Variants in ABCA5 observed in about 807,000 individuals in gnomAD.
ABCA5 encodes ATP binding cassette subfamily A member 5.
ABCA5 carries 163 observed loss-of-function variants against 206.0 expected under a neutral mutation model. The ratio of observed to expected loss-of-function variants is 0.79; its 90% CI spans 0.70 to 0.90. The LOEUF is 0.90. ABCA5 is among the 40% of genes least tolerant of loss of function. The pLI, the probability that ABCA5 is intolerant of heterozygous loss-of-function variation, is 0.00. For synonymous variants in ABCA5, 609 were observed against 613.8 expected, an observed-to-expected ratio of 0.99 and a Z score of 0.11; for missense variants, 1,859 against 1,912.9, an observed-to-expected ratio of 0.97 and a Z score of 0.53.
chr17:69,283,944 T>A lies in ABCA5; in HGVS notation c.2392+9A>T. ...ATTGCCTAAAATGTTTTGTTAGTTC[T>A]GTTTTTACCTGCTTGGTCAATTTCT... On this transcript the variant is annotated intron_variant, in intron 18 of 38. Coordinates refer to ENST00000392676, the MANE Select transcript of ABCA5 (RefSeq NM_172232.4). The A allele has an allele frequency of 6.2e-7, 1 of 1,604,182 alleles. No homozygotes were observed. The highest frequency in any genetic ancestry group is 8.5e-7 in the Non-Finnish European group (1 of 1,176,012).
chr17:69,263,551 T>C (rs1298219499), intron 24 of ABCA5, among the ~76,000 whole-genome samples: 1 of 152,158 alleles, frequency 6.6e-6, no homozygotes, highest in Non-Finnish European at 1.5e-5. Context: ...TGTGTGGCTT[T>C]ATTTCTGGGT....
chr17:69,250,646 C>T, intron 35 of ABCA5, 25 bp from the exon 36 acceptor site: 1 of 1,508,840 alleles, frequency 6.6e-7, no homozygotes, highest in Non-Finnish European at 8.9e-7. Flanking sequence ...TAAAAGAAAG[C>T]TCAGATATAA....
At chr17:69,264,936 T>C in intron 23 of ABCA5, 31 bp from the exon 24 acceptor site, 1 of 1,378,148 alleles carries the variant, frequency 7.3e-7, no homozygotes, top group Non-Finnish European at 9.6e-7. Flanking sequence ...TTTATTATAA[T>C]TTTAGACACT....
intron 37 of ABCA5, chr17:69,248,718 T>G (rs1288939207): frequency 1.9e-5 from 3 of 161,978 alleles, no homozygotes; most frequent in Non-Finnish European, 4.0e-5. Context: ...TTTTGTTTTG[T>G]TTTTAAGACA....
rs1045046246 is a variant in ABCA5, at chr17:69,264,958, C to A, written c.3145-53G>T. The stretch of plus-strand genomic sequence containing the variant: ...TAATTTTAGACACTTTAGAAACACA[C>A]AAATAAATTAGTAAATTATTGTAGA... On this transcript the variant is annotated intron_variant, in intron 23 of 38. Transcript: ENST00000392676. The A allele has an allele frequency of 1.6e-5, 19 of 1,214,902 alleles. No individual in the cohort carries two copies. The Admixed American group carries it at 5.7e-4, about 36-fold the overall frequency. 75.3% of individuals were successfully genotyped at this position (1,214,902 alleles called of 1,614,324 possible).
In ABCA5 at chr17:69,296,468, T is replaced by C. The variant is rs553214021; in HGVS notation, c.1436+723A>G. 3.8e-4 allele frequency among the ~76,000 whole-genome samples: 58 copies of C among 152,306 alleles called. 1 individual carries two copies. The highest frequency in any genetic ancestry group is 6.6e-4 in the Non-Finnish European group (45 of 68,028). On this transcript the variant is annotated intron_variant, in intron 10 of 38. Coordinates refer to ENST00000392676, the MANE Select transcript of ABCA5 (RefSeq NM_172232.4). Reference sequence around the variant, plus strand: ...CTTTGGTTCTTAAAAATTAAAGTAATGAAATGTTCTAATTATGCCTCAAAC... The same window carrying C: ...CTTTGGTTCTTAAAAATTAAAGTAACGAAATGTTCTAATTATGCCTCAAAC...
In ABCA5 at chr17:69,317,486, G is replaced by T. The variant is rs7222944; in HGVS notation, c.-15-3056C>A. 1.4e-3 allele frequency among the ~76,000 whole-genome samples: 209 copies of T among 149,944 alleles called. 2 individuals are homozygous for T. The highest frequency in any genetic ancestry group is 4.9e-3 in the African/African-American group (200 of 40,866). The stretch of plus-strand genomic sequence containing the variant: ...ATACAAAACGTTATGTCAAGTGAAA[G>T]TCAGACTAAAAATGTCAAATGTTAT... On this transcript the variant is annotated intron_variant, in intron 1 of 38. Coordinates refer to ENST00000392676, the MANE Select transcript of ABCA5 (RefSeq NM_172232.4).
At chr17:69,319,421 G>A (rs1270617758) in intron 1 of ABCA5, among the ~76,000 whole-genome samples, 1 of 151,850 alleles carries the variant, frequency 6.6e-6, no homozygotes, top group Non-Finnish European at 1.5e-5. Flanking sequence ...AGTCTCTAAG[G>A]GCCTTGTCTA....
At chr17:69,263,691 G>C (rs1258583629) in intron 24 of ABCA5, among the ~76,000 whole-genome samples, 1 of 68,854 alleles carries the variant, frequency 1.5e-5, no homozygotes, top group African/African-American at 6.6e-5. Context: ...CTTTTTACAT[G>C]GATTCCTTTT....
chr17:69,276,640 A>G (rs2075335244), intron 19 of ABCA5, among the ~76,000 whole-genome samples: 1 of 151,932 alleles, frequency 6.6e-6, no homozygotes, highest in African/African-American at 2.4e-5. Context: ...AACATCACAC[A>G]CCGGGGCCTG....
intron 13 of ABCA5, among the ~76,000 whole-genome samples, chr17:69,289,569 G>A (rs912794700): frequency 6.6e-6 from 1 of 152,118 alleles, no homozygotes; most frequent in Non-Finnish European, 1.5e-5. Context: ...GAAGGAATAA[G>A]AGATCACTGT....
chr17:69,325,689 A>T (rs889580029), intron 1 of ABCA5: 4 of 152,140 alleles, frequency 2.6e-5, no homozygotes, highest in Non-Finnish European at 5.9e-5. Context: ...AAAAACAAAT[A>T]AAAAATTACC....
At chr17:69,267,276 C>T (rs1488193512) in intron 23 of ABCA5, among the ~76,000 whole-genome samples, 1 of 152,040 alleles carries the variant, frequency 6.6e-6, no homozygotes, top group Non-Finnish European at 1.5e-5. Flanking sequence ...TTAAGATCAT[C>T]CATGAAGAAG....
At position 69,294,030 on chromosome 17, in the gene ABCA5, G is replaced by A. The variant is rs143249344; in HGVS notation, c.1495+625C>T. On this transcript the variant is annotated intron_variant, in intron 11 of 38. Coordinates refer to ENST00000392676, the MANE Select transcript of ABCA5 (RefSeq NM_172232.4). ...TAGTGCTGAGGTTGAAAAACCCTAC[G>A]ATAGGCCAAATGAATTTTTCAAAAA... Among the ~76,000 whole-genome samples, 25 of 152,182 alleles carry A rather than the reference G, an allele frequency of 1.6e-4. No homozygotes were observed. In the East Asian group the frequency reaches 3.9e-3, roughly 23 times the overall value.
intron 14 of ABCA5, among the ~76,000 whole-genome samples, chr17:69,288,284 G>A (rs1391826756): frequency 1.3e-5 from 2 of 152,070 alleles, no homozygotes; most frequent in African/African-American, 2.4e-5. Flanking sequence ...GATCATCCTA[G>A]CTGCATGCAT....
At chr17:69,318,731 C>T (rs764496721) in intron 1 of ABCA5, 17 of 621,054 alleles carry the variant, frequency 2.7e-5, no homozygotes, top group Non-Finnish European at 4.2e-5. Flanking sequence ...GGAGTAGACA[C>T]CATGAGCAAA....
chr17:69,254,590 T>C (rs2075053766), intron 31 of ABCA5, 100 bp from the exon 32 acceptor site: 8 of 835,698 alleles, frequency 9.6e-6, no homozygotes, highest in Middle Eastern at 3.3e-4. Flanking sequence ...GCCAGACTAA[T>C]ATCAAGTCAG....
chr17:69,255,997 C>A (rs986563335), intron 29 of ABCA5, 147 bp from the exon 30 acceptor site: 3 of 1,160,032 alleles, frequency 2.6e-6, no homozygotes, highest in Non-Finnish European at 3.5e-6. Context: ...GACTGAAATT[C>A]TGGCTTATTC....
chr17:69,320,299 C>A (rs193147615), intron 1 of ABCA5, among the ~76,000 whole-genome samples: 1 of 152,054 alleles, frequency 6.6e-6, no homozygotes, highest in East Asian at 1.9e-4. Context: ...CATTTAAAGA[C>A]GAATTAGTGA....
Sources: gnomAD v4.1 joint callset for allele counts (sites outside exome capture counted in the v4.1 genomes callset) on GRCh38, gnomAD v4.1.1 for gene constraint, MANE v1.5 for transcripts, NCBI Gene and HGNC (gene_info 2026-07-23, HGNC 2026-07-21) for gene names.